ADAM22: variants seen among roughly 807,000 people sequenced by gnomAD.
ADAM22 encodes the protein ADAM metallopeptidase domain 22.
ADAM22 carries 65 observed loss-of-function variants against 144.6 expected under a neutral mutation model. The observed-to-expected ratio is 0.45, with a 90% CI of 0.37 to 0.55. The LOEUF (loss-of-function observed/expected upper bound fraction) is 0.55. Among genes scored for constraint, ADAM22 ranks in the 20% least tolerant of loss-of-function variants. The pLI is 0.00. For missense variants in ADAM22, 974 were observed against 1,184.9 expected (o/e 0.82, Z 2.61); for synonymous variants, 391 against 412.6 (o/e 0.95, Z 0.63).
intron 3 of ADAM22, among the ~76,000 whole-genome samples, chr7:88,039,611 A>ATGTGTG (rs3085480): frequency 2.0e-5 from 3 of 146,414 alleles, no homozygotes; most frequent in South Asian, 2.2e-4. Flanking sequence ...TCATGTTTGC[A>ATGTGTG]TGTGTGTGTG....
At chr7:87,959,796 G>A (rs1260789796) in intron 2 of ADAM22, among the ~76,000 whole-genome samples, 1 of 152,004 alleles carries the variant, frequency 6.6e-6, no homozygotes, top group Non-Finnish European at 1.5e-5. Flanking sequence ...TATATGTATG[G>A]CAACAATACT....
intron 13 of ADAM22, among the ~76,000 whole-genome samples, 189 bp downstream of exon 13, chr7:88,134,608 A>G (rs1832568294): frequency 6.6e-6 from 1 of 152,196 alleles, no homozygotes; most frequent in Non-Finnish European, 1.5e-5. Flanking sequence ...ATAGGTGGAA[A>G]TTTCTATGAC....
chr7:88,188,810 G>A (rs904319173), intron 30 of ADAM22, among the ~76,000 whole-genome samples: 15 of 152,178 alleles, frequency 9.9e-5, no homozygotes, highest in African/African-American at 3.4e-4. Context: ...CTGTGGCCAG[G>A]TCATTCAGGA....
At chr7:87,958,419 C>T (rs1181805322) in intron 2 of ADAM22, among the ~76,000 whole-genome samples, 4 of 150,864 alleles carry the variant, frequency 2.7e-5, no homozygotes, top group Non-Finnish European at 3.0e-5. Flanking sequence ...GAGTTTCGCT[C>T]TTGTTTCCCA....
Position 87,935,074 on chromosome 7 carries a change from T to A in ADAM22, c.134T>A (p.Val45Glu). The A allele has an allele frequency of 6.2e-7, 1 of 1,614,180 alleles. No homozygotes were observed. The highest frequency in any genetic ancestry group is 8.5e-7 in the Non-Finnish European group (1 of 1,180,040). The change falls in exon 2 of 32, where the codon GTG becomes GAG. Residue 45 changes from valine (V) to glutamate (E), a missense_variant. Physicochemically the swap from Val to Glu is moderately radical, Grantham distance 121. Transcript: ENST00000413139. ...GAGAAGAGGAAGGAAAACCGCTTCG[T>A]GGAGCGCCAGAGCATCGTGCCACTG... ...ELEKRKENRF[V>E]ERQSIVPLRL...
chr7:88,185,484 CT>C (rs2129539034), intron 29 of ADAM22, among the ~76,000 whole-genome samples: 1 of 152,062 alleles, frequency 6.6e-6, no homozygotes, highest in South Asian at 2.1e-4. Flanking sequence ...ATAATTTCCC[CT>C]GGTTTGTTTA....
At position 87,940,181 on chromosome 7, in the gene ADAM22, C is replaced by CAA. The variant is rs35309253; in HGVS notation, c.246+5018_246+5019dup. 1.4e-3 allele frequency among the ~76,000 whole-genome samples: 103 copies of CAA among 75,644 alleles called. 1 individual carries two copies. Among genetic ancestry groups the CAA allele is most frequent in the Admixed American group, 1.5e-3 (11 of 7,150 alleles). 49.6% of individuals were successfully genotyped at this position (75,644 alleles called of 152,430 possible). On this transcript the variant is annotated intron_variant, in intron 2 of 31. Transcript: ENST00000413139. Reference sequence around the variant, plus strand: ...TGGGCGACAGAGCAAGTCTTTATCTCAAAAAAAAAAAAAAAAAAAAAAAAT... The same window carrying CAA: ...TGGGCGACAGAGCAAGTCTTTATCTCAAAAAAAAAAAAAAAAAAAAAAAAAAT...
intron 2 of ADAM22, among the ~76,000 whole-genome samples, chr7:87,976,801 C>T (rs1851987027): frequency 6.6e-6 from 1 of 151,396 alleles, no homozygotes; most frequent in Non-Finnish European, 1.5e-5. Flanking sequence ...TGCTTATGTA[C>T]CATTATGCCT....
intron 24 of ADAM22, among the ~76,000 whole-genome samples, chr7:88,167,108 G>T (rs1041534220): frequency 6.6e-6 from 1 of 152,142 alleles, no homozygotes; most frequent in Non-Finnish European, 1.5e-5. Context: ...CTATCATGGA[G>T]AATTGAAATC....
At chr7:88,044,862 A>G (rs1804161475) in intron 3 of ADAM22, among the ~76,000 whole-genome samples, 1 of 151,678 alleles carries the variant, frequency 6.6e-6, no homozygotes, top group Non-Finnish European at 1.5e-5. Flanking sequence ...AGTACCTGGG[A>G]TTGAGGCACC....
At position 87,935,023 on chromosome 7, in the gene ADAM22, G is replaced by A. The variant is rs778569625; in HGVS notation, c.86-3G>A. On this transcript the variant is annotated splice_region_variant and splice_polypyrimidine_tract_variant and intron_variant, in intron 1 of 31. Transcript: ENST00000413139. ...TCCCTCCTTTCCCGGTTCCTGCCTG[G>A]AGGAGACGCCTCATTGATGGAGCTA... is the stretch of plus-strand genomic sequence containing the variant. The A allele has an allele frequency of 6.2e-7, 1 of 1,614,142 alleles. No homozygotes were observed. The highest frequency in any genetic ancestry group is 2.2e-5 in the East Asian group (1 of 44,846).
chr7:88,128,752 A>G, intron 9 of ADAM22, 76 bp downstream of exon 9: 2 of 1,194,284 alleles, frequency 1.7e-6, no homozygotes, highest in Non-Finnish European at 2.4e-6. Flanking sequence ...GTTTAGAAAA[A>G]ACAAGAAGCC....
At chr7:88,000,605 A>T (rs1447719253) in intron 3 of ADAM22, among the ~76,000 whole-genome samples, 1 of 152,100 alleles carries the variant, frequency 6.6e-6, no homozygotes, top group Non-Finnish European at 1.5e-5. Context: ...CTAGTTTTGC[A>T]TTATTTATTA....
intron 3 of ADAM22, among the ~76,000 whole-genome samples, chr7:88,068,250 A>T (rs1563144605): frequency 6.6e-6 from 1 of 152,148 alleles, no homozygotes; most frequent in Non-Finnish European, 1.5e-5. Flanking sequence ...AATGGGAAGA[A>T]TGTTTTCTTT....
intron 4 of ADAM22, among the ~76,000 whole-genome samples, chr7:88,081,777 C>A (rs1285504995): frequency 7.1e-6 from 1 of 141,456 alleles, no homozygotes; most frequent in Non-Finnish European, 1.5e-5. Context: ...ATCCAACTTA[C>A]AAGGGATGTG....
chr7:87,988,299 C>G (rs1788945273), intron 3 of ADAM22, among the ~76,000 whole-genome samples: 1 of 152,130 alleles, frequency 6.6e-6, no homozygotes, highest in Non-Finnish European at 1.5e-5. Flanking sequence ...ATCTTGGTCA[C>G]TGTTATATGA....
At chr7:88,151,444 G>A in intron 20 of ADAM22, 124 bp downstream of exon 20, 1 of 1,048,612 alleles carries the variant, frequency 9.5e-7, no homozygotes, top group Non-Finnish European at 1.4e-6. Flanking sequence ...AGCTACCACA[G>A]GTCTTAGCAG....
rs1311001732 is a variant in ADAM22 at position 88,202,116 on chromosome 7, C to A, written c.*5625C>A. 1 of 152,100 alleles carries A rather than the reference C, an allele frequency of 6.6e-6. No individual in the cohort carries two copies. Among genetic ancestry groups the A allele is most frequent in the Non-Finnish European group, 1.5e-5 (1 of 68,018 alleles). 9.4% of individuals were successfully genotyped at this position (152,100 alleles called of 1,614,324 possible). On this transcript the variant is annotated 3_prime_UTR_variant, in exon 32 of 32. Transcript: ENST00000413139. The stretch of plus-strand genomic sequence containing the variant: ...ATGTGTATCACTGCCTGACTAGAAA[C>A]CCCACTTTTCTTTTCTAATCCAGCA...
intron 6 of ADAM22, among the ~76,000 whole-genome samples, chr7:88,116,272 A>G (rs540617776): frequency 6.6e-6 from 1 of 152,066 alleles, no homozygotes; most frequent in Non-Finnish European, 1.5e-5. Context: ...TTTTTCATAT[A>G]GCTTGTATGA....
Sources: allele counts gnomAD v4.1 joint callset (sites outside exome capture counted in the v4.1 genomes callset), GRCh38; gene constraint gnomAD v4.1.1; transcripts MANE v1.5; gene names NCBI Gene and HGNC (gene_info 2026-07-23, HGNC 2026-07-21).